Variants in NDUFAF7 observed in about 807,000 individuals in gnomAD.
NDUFAF7 encodes the protein NADH:ubiquinone oxidoreductase complex assembly factor 7.
Under a neutral mutation model 47.2 loss-of-function variants are expected in NDUFAF7, and 48 were observed. That is an observed-to-expected ratio of 1.02 (90% confidence interval 0.81 to 1.29). The LOEUF (loss-of-function observed/expected upper bound fraction) is 1.29. Among genes scored for constraint, NDUFAF7 ranks in the 50% most tolerant of loss-of-function variants. The pLI, the probability that NDUFAF7 is intolerant of heterozygous loss-of-function variation, is 0.00. For missense variants in NDUFAF7, 635 were observed against 537.6 expected (o/e 1.18, Z -1.79); for synonymous variants, 217 against 190.0 (o/e 1.14, Z -1.17).
chr2:37,269,039 ATTTC>A, the NDUFAF7 span: 1 of 153,692 alleles, frequency 6.5e-6, no homozygotes, highest in Non-Finnish European at 1.4e-5. Context: ...AGGGTTTAAC[ATTTC>A]TTTCTTAGTA....
At chr2:37,242,029 C>T (rs575710855) in intron 5 of NDUFAF7, 3 of 558,318 alleles carry the variant, frequency 5.4e-6, no homozygotes, top group African/African-American at 3.8e-5. Context: ...AAATGTAAAT[C>T]TCCTTTGTAC....
At chr2:37,251,611 A>C (rs568048828), downstream of NDUFAF7, 4 of 152,274 alleles carry the variant, frequency 2.6e-5, no homozygotes, top group East Asian at 7.7e-4. Context: ...ATGTACCAGA[A>C]CATTCTTTTT....
chr2:37,247,590 C>A lies in NDUFAF7; in HGVS notation c.1071C>A (p.His357Gln). 1 of 1,613,996 alleles carries A rather than the reference C, an allele frequency of 6.2e-7. No individual in the cohort carries two copies. The highest frequency in any genetic ancestry group is 8.5e-7 in the Non-Finnish European group (1 of 1,179,956). Residue 357 changes from histidine to glutamine, a missense_variant, in exon 9 of 10, where the codon CAC becomes CAA. His to Gln is a conservative substitution (Grantham distance 24, BLOSUM62 0). Coordinates refer to ENST00000002125, the MANE Select transcript of NDUFAF7 (RefSeq NM_144736.5). ...CCTCTCTGGGCCCAATAAAACAACA[C>A]ACATTTTTAAAAAATATGGGTATTG... is the stretch of plus-strand genomic sequence containing the variant. ...KVASLGPIKQHTFLKNMGIDV... is the reference protein window; with the variant it reads ...KVASLGPIKQQTFLKNMGIDV...
At chr2:37,245,985 G>A (rs541708960) in intron 7 of NDUFAF7, 67 bp from the exon 8 acceptor site, 2 of 1,564,408 alleles carry the variant, frequency 1.3e-6, no homozygotes, top group East Asian at 4.6e-5. Context: ...GGAAAAACCT[G>A]AAAAACCGTA....
At chr2:37,261,299 A>G in the NDUFAF7 span, among the ~76,000 whole-genome samples, 1 of 150,076 alleles carries the variant, frequency 6.7e-6, no homozygotes, top group Non-Finnish European at 1.5e-5. Context: ...CCAGCGTAGC[A>G]AACACGGTGA....
chr2:37,267,617 T>C, the NDUFAF7 span: 7 of 1,019,204 alleles, frequency 6.9e-6, no homozygotes, highest in Middle Eastern at 2.2e-4. Flanking sequence ...GAAATTTATA[T>C]GTATTTACTC....
intron 3 of NDUFAF7, among the ~76,000 whole-genome samples, chr2:37,237,228 C>T (rs546076884): frequency 1.9e-3 from 290 of 152,308 alleles, no homozygotes; most frequent in Non-Finnish European, 2.9e-3. Flanking sequence ...CCTCAGCCTC[C>T]CAAAGTGCTG....
chr2:37,255,159 G>A (rs1443821641), downstream of NDUFAF7, among the ~76,000 whole-genome samples: 2 of 152,154 alleles, frequency 1.3e-5, no homozygotes, highest in African/African-American at 4.8e-5. Flanking sequence ...AGATAACACT[G>A]GTTAACATCA....
At chr2:37,261,280 A>T in the NDUFAF7 span, among the ~76,000 whole-genome samples, 1 of 151,900 alleles carries the variant, frequency 6.6e-6, no homozygotes, top group Admixed American at 6.6e-5. Flanking sequence ...TGAGGTCAGG[A>T]GTTCGAGACC....
chr2:37,260,258 G>A, the NDUFAF7 span: 1 of 1,611,742 alleles, frequency 6.2e-7, no homozygotes, highest in Non-Finnish European at 8.5e-7. Context: ...CGTTCTGGAA[G>A]CCGACTTTTC....
intron 5 of NDUFAF7, 118 bp from the exon 6 acceptor site, chr2:37,242,517 A>T (rs1429184189): frequency 2.1e-5 from 16 of 749,004 alleles, no homozygotes; most frequent in Non-Finnish European, 3.7e-5. Context: ...GAAGAGGTAG[A>T]TAATTCTGTG....
chr2:37,236,219 T>A (rs532373249), intron 3 of NDUFAF7, 43 bp downstream of exon 3: 1 of 1,445,042 alleles, frequency 6.9e-7, no homozygotes, highest in Admixed American at 1.7e-5. Flanking sequence ...ATATAAACAT[T>A]TGAGAGCAGA....
At chr2:37,253,383 A>G, downstream of NDUFAF7, 2 of 1,555,326 alleles carry the variant, frequency 1.3e-6, no homozygotes, top group South Asian at 1.2e-5. Flanking sequence ...TGATGAAACA[A>G]AAGAAACAAA....
downstream of NDUFAF7, among the ~76,000 whole-genome samples, chr2:37,255,020 T>C (rs1240353094): frequency 6.6e-6 from 1 of 152,242 alleles, no homozygotes; most frequent in Non-Finnish European, 1.5e-5. Context: ...AACAAAAGGC[T>C]AGACCCAGAC....
the NDUFAF7 span, among the ~76,000 whole-genome samples, chr2:37,265,948 A>G: frequency 2.0e-5 from 3 of 152,252 alleles, no homozygotes; most frequent in African/African-American, 7.2e-5. Context: ...AAATCAATCC[A>G]TAGGAATATA....
chr2:37,255,903 A>G (rs1190311391), downstream of NDUFAF7, among the ~76,000 whole-genome samples: 1 of 152,142 alleles, frequency 6.6e-6, no homozygotes, highest in Non-Finnish European at 1.5e-5. Context: ...CATCCCACCT[A>G]GTCAGGAGGC....
In NDUFAF7 at chr2:37,248,732, TG is replaced by T. The variant is rs1447119589; in HGVS notation, c.*384del. 26 of 284,420 alleles carry T rather than the reference TG, an allele frequency of 9.1e-5. No individual in the cohort carries two copies. Among genetic ancestry groups the T allele is most frequent in the Middle Eastern group, 2.6e-3 (2 of 764 alleles). 17.6% of individuals were successfully genotyped at this position (284,420 alleles called of 1,614,324 possible). ...CAGTTAAAGACCAGCCTGACCAAAA[TG>T]GAGAAACCCCATCTCTACTAAAAAT... On this transcript the variant is annotated 3_prime_UTR_variant, in exon 10 of 10. Coordinates refer to ENST00000002125, the MANE Select transcript of NDUFAF7 (RefSeq NM_144736.5).
At chr2:37,244,132 G>C (rs1383154865) in intron 7 of NDUFAF7, among the ~76,000 whole-genome samples, 159 bp downstream of exon 7, 1 of 152,214 alleles carries the variant, frequency 6.6e-6, no homozygotes, top group African/African-American at 2.4e-5. Context: ...AGAGGAGCTA[G>C]AGGCAGGAGC....
intron 3 of NDUFAF7, among the ~76,000 whole-genome samples, chr2:37,236,611 C>T (rs1318661494): frequency 6.6e-6 from 1 of 151,294 alleles, no homozygotes; most frequent in African/African-American, 2.4e-5. Flanking sequence ...GCAGTCTCTA[C>T]TAAAAAAAAA....
Sources: gnomAD v4.1 joint callset for allele counts (sites outside exome capture counted in the v4.1 genomes callset) on GRCh38, gnomAD v4.1.1 for gene constraint, MANE v1.5 for transcripts, NCBI Gene and HGNC (gene_info 2026-07-23, HGNC 2026-07-21) for gene names.